The following SLC35D1 variants were observed in gnomAD, a reference collection of about 807,000 sequenced individuals.
SLC35D1 encodes the protein nucleotide sugar transporter SLC35D1.
A neutral mutation model predicts 46.7 loss-of-function variants in SLC35D1; 31 were observed. The ratio of observed to expected loss-of-function variants is 0.66; its 90% CI spans 0.50 to 0.90. The LOEUF (loss-of-function observed/expected upper bound fraction) is 0.90, where lower values mean the gene tolerates loss of function less well. Among genes scored for constraint, SLC35D1 ranks in the 40% least tolerant of loss-of-function variants. The pLI is 0.00. For missense variants in SLC35D1, 397 were observed against 426.2 expected (o/e 0.93, Z 0.60); for synonymous variants, 195 against 164.6 (o/e 1.18, Z -1.41).
chr1:67,004,818 A>G (rs1667414126), intron 11 of SLC35D1, among the ~76,000 whole-genome samples: 1 of 152,196 alleles, frequency 6.6e-6, no homozygotes, highest in South Asian at 2.1e-4. Context: ...CTGACATTAC[A>G]GGTAAATTTT....
rs1021946369 is a variant in SLC35D1 at position 67,053,983 on chromosome 1, G to C, written c.31C>G (p.Arg11Gly). The change falls in exon 1 of 12, where the codon CGG (arginine) becomes GGG (glycine). Residue 11 changes from arginine (R) to glycine (G), a missense_variant. Transcript: ENST00000235345. MAEVHRRQHARVKGEAPAKSS... is the reference protein window; with the variant it reads MAEVHRRQHAGVKGEAPAKSS... ...TTCGCGGGGGCTTCTCCTTTAACCCGAGCATGCTGACGTCTATGAACTTCC... is the reference window on the plus strand; with the variant it reads ...TTCGCGGGGGCTTCTCCTTTAACCCCAGCATGCTGACGTCTATGAACTTCC... 1.2e-6 allele frequency: 2 copies of C among 1,613,058 alleles called. No homozygotes were observed. The highest frequency in any genetic ancestry group is 2.2e-5 in the East Asian group (1 of 44,828).
downstream of SLC35D1, among the ~76,000 whole-genome samples, chr1:66,997,521 T>TATATATAC (rs1280533238): frequency 3.5e-5 from 4 of 113,066 alleles, no homozygotes; most frequent in Non-Finnish European, 7.2e-5. Flanking sequence ...AAAAAAAAAA[T>TATATATAC]ATATATATAT....
At chr1:67,042,965 A>G (rs991580181) in intron 7 of SLC35D1, among the ~76,000 whole-genome samples, 2 of 152,204 alleles carry the variant, frequency 1.3e-5, no homozygotes, top group Non-Finnish European at 2.9e-5. Context: ...TGGGAGGCTG[A>G]GGCAGGCAGA....
intron 7 of SLC35D1, among the ~76,000 whole-genome samples, chr1:67,043,632 C>T (rs1645219175): frequency 1.3e-5 from 2 of 152,088 alleles, no homozygotes; most frequent in African/African-American, 4.8e-5. Context: ...AGACCAATAC[C>T]AACAGACAGC....
At chr1:67,033,587 T>C (rs970187917) in intron 8 of SLC35D1, among the ~76,000 whole-genome samples, 2 of 152,210 alleles carry the variant, frequency 1.3e-5, no homozygotes, top group Non-Finnish European at 1.5e-5. Context: ...TACTAGATTT[T>C]TTCCTATAGA....
intron 8 of SLC35D1, among the ~76,000 whole-genome samples, chr1:67,022,457 G>A (rs1391029314): frequency 2.6e-5 from 4 of 152,056 alleles, no homozygotes; most frequent in East Asian, 1.9e-4. Context: ...CTCAACATTC[G>A]TCTGACTCCT....
intron 8 of SLC35D1, among the ~76,000 whole-genome samples, chr1:67,036,167 G>A (rs934534372): frequency 3.3e-5 from 5 of 152,094 alleles, no homozygotes; most frequent in African/African-American, 4.8e-5. Flanking sequence ...GCCACTGGAC[G>A]AAATGTTCCG....
chr1:67,005,509 C>T (rs541279314), intron 11 of SLC35D1, among the ~76,000 whole-genome samples: 1 of 152,290 alleles, frequency 6.6e-6, no homozygotes, highest in East Asian at 1.9e-4. Flanking sequence ...AAAATAAAGC[C>T]TTTTCCAATT....
chr1:67,025,399 T>C (rs1163380405), intron 8 of SLC35D1, among the ~76,000 whole-genome samples: 1 of 152,224 alleles, frequency 6.6e-6, no homozygotes, highest in Non-Finnish European at 1.5e-5. Flanking sequence ...CATGGTATAT[T>C]TCTATTTCTA....
chr1:67,040,719 G>A (rs372166692), intron 8 of SLC35D1, among the ~76,000 whole-genome samples: 6 of 152,254 alleles, frequency 3.9e-5, no homozygotes, highest in East Asian at 1.9e-4. Context: ...CTTGGAACCT[G>A]CTCTTCCTTG....
chr1:66,976,892 CTATTA>C, the SLC35D1 span, among the ~76,000 whole-genome samples: 1 of 152,246 alleles, frequency 6.6e-6, no homozygotes, highest in African/African-American at 2.4e-5. Context: ...ACTTTACCAT[CTATTA>C]TATCTTCATA....
rs773134904 is a variant in SLC35D1, at chr1:67,053,865, C to A, written c.149G>T (p.Gly50Val). The A allele has an allele frequency of 6.2e-7, 1 of 1,613,644 alleles. No homozygotes were observed. Among genetic ancestry groups the A allele is most frequent in the Admixed American group, 1.7e-5 (1 of 60,010 alleles). The change falls in exon 1 of 12, where the codon GGC becomes GTC. Residue 50 changes from glycine (G) to valine (V), a missense_variant. By Grantham distance (109) the Gly-to-Val change is moderately radical. Coordinates refer to ENST00000235345, the MANE Select transcript of SLC35D1 (RefSeq NM_015139.3). ...FLKLLAAGFY[G>V]VSSFLIVVVN... The stretch of plus-strand genomic sequence containing the variant: ...CACCACGATCAGGAAGGAGCTCACG[C>A]CGTAAAAGCCGGCGGCCAGCAGCTT...
chr1:67,007,591 T>G (rs1166715938), intron 11 of SLC35D1, among the ~76,000 whole-genome samples: 1 of 152,214 alleles, frequency 6.6e-6, no homozygotes, highest in Non-Finnish European at 1.5e-5. Flanking sequence ...CATTATCAAA[T>G]ATAGATTTTC....
rs116194900 is a variant in SLC35D1, at chr1:67,014,464, G to A, written c.877-5297C>T. On this transcript the variant is annotated intron_variant, in intron 10 of 11. Coordinates refer to ENST00000235345, the MANE Select transcript of SLC35D1 (RefSeq NM_015139.3). Reference sequence around the variant, plus strand: ...AAAATTTAAAAACCAAAGCTATAAAGTCTTTATTTGTGTCCATCTATATTT... The same window carrying A: ...AAAATTTAAAAACCAAAGCTATAAAATCTTTATTTGTGTCCATCTATATTT... Among the ~76,000 whole-genome samples, 446 of 151,962 alleles carry A rather than the reference G, an allele frequency of 2.9e-3. 2 individuals carry two copies. Among genetic ancestry groups the A allele is most frequent in the African/African-American group, 0.011 (436 of 41,504 alleles).
intron 10 of SLC35D1, among the ~76,000 whole-genome samples, chr1:67,011,116 A>G (rs553817106): frequency 2.0e-5 from 3 of 152,220 alleles, no homozygotes; most frequent in African/African-American, 7.2e-5. Flanking sequence ...GCCCAATCTA[A>G]GCCCCCATTT....
At chr1:67,036,352 C>T (rs962845003) in intron 8 of SLC35D1, among the ~76,000 whole-genome samples, 10 of 152,032 alleles carry the variant, frequency 6.6e-5, no homozygotes, top group Middle Eastern at 3.2e-3. Context: ...TTTTATATAT[C>T]GGTGCATTCT....
Position 67,004,377 on chromosome 1 carries a change from T to G in SLC35D1, c.1031A>C (p.Asn344Thr). 6.2e-7 allele frequency: 1 copy of G among 1,614,044 alleles called. No homozygotes were observed. The highest frequency in any genetic ancestry group is 8.5e-7 in the Non-Finnish European group (1 of 1,179,962). The change falls in exon 12 of 12, where the codon AAT (asparagine) becomes ACT (threonine). Residue 344 changes from asparagine (N) to threonine (T), a missense_variant. Coordinates refer to ENST00000235345, the MANE Select transcript of SLC35D1 (RefSeq NM_015139.3). The stretch of plus-strand genomic sequence containing the variant: ...TTTCCCCTTAATGTCCAGCTTGTTA[T>G]TAGCCTCTGACTGTTTGCTCAGCTG... ...EEQLSKQSEA[N>T]NKLDIKGKGA...
At chr1:67,017,956 T>C (rs537901015) in intron 10 of SLC35D1, among the ~76,000 whole-genome samples, 1 of 152,206 alleles carries the variant, frequency 6.6e-6, no homozygotes, top group African/African-American at 2.4e-5. Flanking sequence ...TATATAAAAC[T>C]TTATGAAGTT....
intron 5 of SLC35D1, 78 bp from the exon 6 acceptor site, chr1:67,049,928 T>C (rs1194380901): frequency 2.1e-5 from 20 of 960,696 alleles, no homozygotes; most frequent in Non-Finnish European, 3.2e-5. Context: ...AAAAATGGGA[T>C]ATGCTTTCTC....
Sources: allele counts gnomAD v4.1 joint callset (sites outside exome capture counted in the v4.1 genomes callset), GRCh38; gene constraint gnomAD v4.1.1; transcripts MANE v1.5; gene names NCBI Gene and HGNC (gene_info 2026-07-23, HGNC 2026-07-21).